The following GLIPR1L2 variants were observed in gnomAD, a reference collection of about 807,000 sequenced individuals.
GLIPR1L2 encodes GLIPR1-like protein 2.
GLIPR1L2 carries 21 observed loss-of-function variants against 28.4 expected under a neutral mutation model. That is an observed-to-expected ratio of 0.74 (90% CI 0.52 to 1.06). The LOEUF is 1.06. Ranked by LOEUF, GLIPR1L2 falls within the 50% of genes least tolerant of loss-of-function variation. The probability of loss-of-function intolerance (pLI) is 0.00; values close to 1 mark genes in which losing one functional copy is unlikely to be tolerated. For missense variants in GLIPR1L2, 476 were observed against 416.9 expected, an observed-to-expected ratio of 1.14 and a Z score of -1.23; for synonymous variants, 145 against 139.3, an observed-to-expected ratio of 1.04 and a Z score of -0.29.
intron 3 of GLIPR1L2, among the ~76,000 whole-genome samples, chr12:75,418,747 G>A (rs2045948615): frequency 6.6e-6 from 1 of 152,102 alleles, no homozygotes; most frequent in Admixed American, 6.6e-5. Flanking sequence ...GGATAGCATT[G>A]AATCTATAAA....
At chr12:75,396,983 A>G (rs76126415) in intron 1 of GLIPR1L2, among the ~76,000 whole-genome samples, 131 of 152,256 alleles carry the variant, frequency 8.6e-4, no homozygotes, top group African/African-American at 3.0e-3. Context: ...CTCTGTATCC[A>G]TGTCCATTGT....
chr12:75,403,798 C>T (rs929343877), intron 1 of GLIPR1L2, among the ~76,000 whole-genome samples: 1 of 152,112 alleles, frequency 6.6e-6, no homozygotes, highest in Non-Finnish European at 1.5e-5. Context: ...TTTAGATCCC[C>T]TGCCCCCATT....
At chr12:75,422,213 C>T (rs950828861) in intron 3 of GLIPR1L2, among the ~76,000 whole-genome samples, 8 of 151,576 alleles carry the variant, frequency 5.3e-5, no homozygotes, top group African/African-American at 1.9e-4. Flanking sequence ...AGGCTGGTCT[C>T]GAACTCCTGG....
At chr12:75,398,574 G>T (rs1378475193) in intron 1 of GLIPR1L2, among the ~76,000 whole-genome samples, 1 of 152,076 alleles carries the variant, frequency 6.6e-6, no homozygotes, top group Admixed American at 6.5e-5. Context: ...TTTCTGAGCT[G>T]TTCTGGGGCT....
rs1222977461 is a variant in GLIPR1L2, at chr12:75,413,446, G to T, written c.481-152G>T. 18 of 463,536 alleles carry T rather than the reference G, an allele frequency of 3.9e-5. 1 individual carries two copies. The highest frequency in any genetic ancestry group is 6.5e-5 in the Non-Finnish European group (17 of 261,956). The allele number at this position is 463,536 out of a possible 1,614,324, so 28.7% of individuals were successfully genotyped here. On this transcript the variant is annotated intron_variant, in intron 2 of 5. Transcript: ENST00000550916. Reference sequence around the variant, plus strand: ...TTGAAAATGCTGCCCGAACTCCTTGGTAACTCTCTACATGTCTCTAAATGA... The same window carrying T: ...TTGAAAATGCTGCCCGAACTCCTTGTTAACTCTCTACATGTCTCTAAATGA...
intron 1 of GLIPR1L2, among the ~76,000 whole-genome samples, chr12:75,392,668 C>T (rs1241384574): frequency 2.6e-5 from 4 of 151,974 alleles, no homozygotes; most frequent in Non-Finnish European, 5.9e-5. Flanking sequence ...TATCCTTACT[C>T]CTGAAAATTA....
At chr12:75,426,012 G>A (rs1451318650) in intron 4 of GLIPR1L2, among the ~76,000 whole-genome samples, 3 of 152,024 alleles carry the variant, frequency 2.0e-5, no homozygotes, top group African/African-American at 7.2e-5. Context: ...AATAATTGTA[G>A]GGCCTCAAGA....
In GLIPR1L2 at chr12:75,431,320, T is replaced by C; in HGVS notation, c.*159T>C. 2.0e-6 allele frequency: 1 copy of C among 495,890 alleles called. No individual in the cohort carries two copies. The allele number at this position is 495,890 out of a possible 1,614,324, so 30.7% of individuals were successfully genotyped here. ...TTTTTTATTCCCTTCTCTCCTATAC[T>C]TATTCAATCAATTTAAATTTGTAAA... On this transcript the variant is annotated 3_prime_UTR_variant, in exon 6 of 6. Coordinates refer to ENST00000550916, the MANE Select transcript of GLIPR1L2 (RefSeq NM_001270396.2).
At chr12:75,399,578 T>G (rs1162928563) in intron 1 of GLIPR1L2, among the ~76,000 whole-genome samples, 1 of 152,230 alleles carries the variant, frequency 6.6e-6, no homozygotes, top group Admixed American at 6.5e-5. Flanking sequence ...CTTTAATGAT[T>G]ATTTTTCTAT....
At chr12:75,411,858 A>G (rs2045871318) in intron 2 of GLIPR1L2, among the ~76,000 whole-genome samples, 1 of 152,060 alleles carries the variant, frequency 6.6e-6, no homozygotes, top group Non-Finnish European at 1.5e-5. Flanking sequence ...TTAACAAAAC[A>G]AAACAGTACT....
At chr12:75,425,157 G>A (rs2046021400) in intron 4 of GLIPR1L2, among the ~76,000 whole-genome samples, 1 of 152,126 alleles carries the variant, frequency 6.6e-6, no homozygotes, top group Admixed American at 6.5e-5. Context: ...TCCATGCAGG[G>A]ATGACTCAGT....
intron 2 of GLIPR1L2, 86 bp from the exon 3 acceptor site, chr12:75,413,512 A>G (rs2045892561): frequency 1.9e-5 from 14 of 736,286 alleles, no homozygotes; most frequent in East Asian, 2.9e-5. Flanking sequence ...GAAAAGTTCT[A>G]TGTGAATGGA....
At chr12:75,409,565 G>GTATATATATA (rs4019358) in intron 1 of GLIPR1L2, among the ~76,000 whole-genome samples, 68 of 143,436 alleles carry the variant, frequency 4.7e-4, no homozygotes, top group South Asian at 1.3e-3. Flanking sequence ...GGGTGTGTGT[G>GTATATATATA]TATATATATA....
rs745684554 is a variant in GLIPR1L2 at position 75,410,517 on chromosome 12, A to G, written c.318A>G (p.Val106=). 70 of 1,611,958 alleles carry G rather than the reference A, an allele frequency of 4.3e-5. 1 individual carries two copies. The South Asian group carries it at 6.3e-4, about 14-fold the overall frequency. Residue 106 remains valine, a synonymous_variant, in exon 2 of 6, where the codon GTA becomes GTG. Coordinates refer to ENST00000550916, the MANE Select transcript of GLIPR1L2 (RefSeq NM_001270396.2). ...CGCATAATATTTATTTACAAGATGT[A>G]CAAATGGTCCATCCTAAATTTTATG... is the stretch of plus-strand genomic sequence containing the variant. The part of the protein sequence containing the change: ...LFTHNIYLQD[V]QMVHPKFYGI...
chr12:75,431,105 A>C lies in GLIPR1L2; in HGVS notation c.979A>C (p.Arg327=), dbSNP rs781343412. 41 of 1,097,400 alleles carry C rather than the reference A, an allele frequency of 3.7e-5. No homozygotes were observed. The South Asian group carries it at 5.5e-4, about 15-fold the overall frequency. 68.0% of individuals were successfully genotyped at this position (1,097,400 alleles called of 1,614,324 possible). ...GGAAATGGAGGAGGAAAAAGAAGAGAGAGAGGAGGAGGAGGAGGAAACACA... is the reference window on the plus strand; with the variant it reads ...GGAAATGGAGGAGGAAAAAGAAGAGCGAGAGGAGGAGGAGGAGGAAACACA... ...IMEMEEEKEE[R]EEEEEETQKE... is the part of the protein sequence containing the mutation. The change falls in exon 6 of 6, where the codon AGA becomes CGA. Residue 327 remains arginine, a synonymous_variant. Coordinates refer to ENST00000550916, the MANE Select transcript of GLIPR1L2 (RefSeq NM_001270396.2).
chr12:75,422,774 G>T (rs1174740755), intron 3 of GLIPR1L2, 130 bp from the exon 4 acceptor site: 2 of 659,804 alleles, frequency 3.0e-6, no homozygotes, highest in Middle Eastern at 4.1e-4. Flanking sequence ...TCTAATTAAA[G>T]TATTTCCTTA....
chr12:75,396,137 G>T (rs1169897243), intron 1 of GLIPR1L2, among the ~76,000 whole-genome samples: 1 of 151,996 alleles, frequency 6.6e-6, no homozygotes, highest in Non-Finnish European at 1.5e-5. Flanking sequence ...CATTGCTTAA[G>T]AGTGTGTTGC....
intron 4 of GLIPR1L2, among the ~76,000 whole-genome samples, chr12:75,430,176 G>T (rs1463851012): frequency 2.0e-5 from 3 of 152,022 alleles, no homozygotes; most frequent in African/African-American, 7.2e-5. Context: ...ATGAGCAGAA[G>T]AAAGGGAATT....
intron 1 of GLIPR1L2, among the ~76,000 whole-genome samples, chr12:75,405,446 C>T (rs1432034790): frequency 1.3e-5 from 2 of 152,118 alleles, no homozygotes; most frequent in East Asian, 3.9e-4. Flanking sequence ...GCAAGGGCAG[C>T]CACCCTGAGC....
Sources: allele counts gnomAD v4.1 joint callset (sites outside exome capture counted in the v4.1 genomes callset), GRCh38; gene constraint gnomAD v4.1.1; transcripts MANE v1.5; gene names NCBI Gene and HGNC (gene_info 2026-07-23, HGNC 2026-07-21).